The following NKAIN2 variants were observed in gnomAD, a reference collection of about 807,000 sequenced individuals.
NKAIN2 encodes sodium/potassium-transporting ATPase subunit beta-1-interacting protein 2.
Under a neutral mutation model 32.6 loss-of-function variants are expected in NKAIN2, and 14 were observed. That is an observed-to-expected ratio of 0.43 (90% CI 0.28 to 0.67). NKAIN2 has a LOEUF of 0.67. NKAIN2 is among the 30% of genes least tolerant of loss of function. The probability of loss-of-function intolerance (pLI) is 0.17; values close to 1 mark genes in which losing one functional copy is unlikely to be tolerated. For missense variants in NKAIN2, 198 were observed against 258.3 expected (o/e 0.77, Z 1.60); for synonymous variants, 80 against 87.2 (o/e 0.92, Z 0.46).
intron 1 of NKAIN2, among the ~76,000 whole-genome samples, chr6:124,275,041 A>G (rs1052032848): frequency 3.1e-4 from 47 of 152,042 alleles, no homozygotes; most frequent in African/African-American, 1.0e-3. Flanking sequence ...TTTTAGAAGA[A>G]TTTTCTGTTT....
At position 123,998,839 on chromosome 6, in the gene NKAIN2, T is replaced by A. The variant is rs967081260; in HGVS notation, c.54+194585T>A. Among the ~76,000 whole-genome samples the A allele has an allele frequency of 6.0e-5, 9 of 150,390 alleles. No individual in the cohort carries two copies. The Admixed American group carries it at 6.0e-4, about 10-fold the overall frequency. ...TATATATATATATATATGGTGATGGTATCAAAAAGATAAAATGACTGCTCT... is the reference window on the plus strand; with the variant it reads ...TATATATATATATATATGGTGATGGAATCAAAAAGATAAAATGACTGCTCT... On this transcript the variant is annotated intron_variant, in intron 1 of 6. Coordinates refer to ENST00000368417, the MANE Select transcript of NKAIN2 (RefSeq NM_001040214.3).
chr6:124,786,898 C>T (rs1779529092), intron 4 of NKAIN2, among the ~76,000 whole-genome samples: 1 of 152,020 alleles, frequency 6.6e-6, no homozygotes, highest in Non-Finnish European at 1.5e-5. Context: ...ACAACATGAG[C>T]CTCTATTATC....
At chr6:124,330,948 C>T (rs554779890) in intron 2 of NKAIN2, among the ~76,000 whole-genome samples, 18 of 152,104 alleles carry the variant, frequency 1.2e-4, no homozygotes, top group East Asian at 5.8e-4. Flanking sequence ...TGATCTGAGG[C>T]GGAACAGTTT....
At chr6:124,271,026 T>A (rs1436044811) in intron 1 of NKAIN2, among the ~76,000 whole-genome samples, 1 of 152,122 alleles carries the variant, frequency 6.6e-6, no homozygotes, top group Non-Finnish European at 1.5e-5. Flanking sequence ...TGGGAGTGGT[T>A]TCCCCCATGT....
At chr6:124,513,345 A>G (rs1014578347) in intron 3 of NKAIN2, among the ~76,000 whole-genome samples, 2 of 152,190 alleles carry the variant, frequency 1.3e-5, no homozygotes, top group African/African-American at 4.8e-5. Context: ...CCTATGTAAG[A>G]AAGTGCTTCA....
Position 124,287,093 on chromosome 6 carries a change from G to A in NKAIN2, c.192+3951G>A, listed in dbSNP as rs56122306. 2.1e-3 allele frequency among the ~76,000 whole-genome samples: 318 copies of A among 152,212 alleles called. 2 individuals carry two copies. Among genetic ancestry groups the A allele is most frequent in the African/African-American group, 6.9e-3 (286 of 41,550 alleles). On this transcript the variant is annotated intron_variant, in intron 2 of 6. Transcript: ENST00000368417. ...ACATTTACCTTTAAAACATCATAAAGCTTCCTTTTGATACTTAGTATGTCT... is the reference window on the plus strand; with the variant it reads ...ACATTTACCTTTAAAACATCATAAAACTTCCTTTTGATACTTAGTATGTCT...
intron 3 of NKAIN2, among the ~76,000 whole-genome samples, chr6:124,639,534 T>A (rs889462873): frequency 2.0e-5 from 3 of 151,908 alleles, no homozygotes; most frequent in African/African-American, 7.3e-5. Flanking sequence ...CTCAGGAGGC[T>A]GAGACAGGAG....
At chr6:124,098,251 G>A (rs1435738863) in intron 1 of NKAIN2, among the ~76,000 whole-genome samples, 4 of 152,088 alleles carry the variant, frequency 2.6e-5, no homozygotes, top group Admixed American at 2.6e-4. Flanking sequence ...ATTAAGAATT[G>A]CAAAGCATGA....
intron 3 of NKAIN2, among the ~76,000 whole-genome samples, chr6:124,401,845 T>C (rs1408734816): frequency 6.6e-6 from 1 of 152,210 alleles, no homozygotes; most frequent in Non-Finnish European, 1.5e-5. Flanking sequence ...TACTCCCACT[T>C]TGTGGCTTAC....
intron 3 of NKAIN2, among the ~76,000 whole-genome samples, chr6:124,456,933 A>G (rs550658759): frequency 1.2e-4 from 18 of 151,940 alleles, no homozygotes; most frequent in Admixed American, 1.2e-3. Context: ...GTTCTCATTT[A>G]TTGTGGCAGT....
At chr6:124,569,315 A>C (rs1237345504) in intron 3 of NKAIN2, among the ~76,000 whole-genome samples, 1 of 152,074 alleles carries the variant, frequency 6.6e-6, no homozygotes, top group Non-Finnish European at 1.5e-5. Flanking sequence ...CTACCTAAAA[A>C]CCAGAAGAAA....
At chr6:124,130,534 A>G (rs1786420727) in intron 1 of NKAIN2, among the ~76,000 whole-genome samples, 1 of 151,970 alleles carries the variant, frequency 6.6e-6, no homozygotes, top group African/African-American at 2.4e-5. Flanking sequence ...TTGTATTTGC[A>G]TGCATTTGTA....
intron 5 of NKAIN2, among the ~76,000 whole-genome samples, chr6:124,796,267 C>G (rs528224527): frequency 6.6e-6 from 1 of 152,304 alleles, no homozygotes; most frequent in Non-Finnish European, 1.5e-5. Flanking sequence ...TATCCTGAGG[C>G]CTCTGTCTTT....
intron 4 of NKAIN2, among the ~76,000 whole-genome samples, chr6:124,753,159 G>T (rs187076855): frequency 1.9e-4 from 29 of 152,118 alleles, no homozygotes; most frequent in African/African-American, 6.7e-4. Context: ...TATGAAATTG[G>T]AAACTGGCTT....
chr6:124,522,790 G>A (rs1779161846), intron 3 of NKAIN2, among the ~76,000 whole-genome samples: 1 of 152,064 alleles, frequency 6.6e-6, no homozygotes, highest in African/African-American at 2.4e-5. Context: ...AAAACCCTAT[G>A]TTACATTTCA....
intron 1 of NKAIN2, among the ~76,000 whole-genome samples, chr6:123,918,497 T>C (rs1306855296): frequency 1.3e-5 from 2 of 152,212 alleles, no homozygotes; most frequent in East Asian, 3.8e-4. Context: ...GAAATGCCCT[T>C]TTCATCAATT....
At chr6:124,784,091 T>C (rs962529572) in intron 4 of NKAIN2, among the ~76,000 whole-genome samples, 11 of 152,320 alleles carry the variant, frequency 7.2e-5, no homozygotes, top group African/African-American at 2.6e-4. Context: ...GATATATTTA[T>C]AACTCATAAA....
chr6:124,038,475 A>C (rs1195053196), intron 1 of NKAIN2, among the ~76,000 whole-genome samples: 1 of 152,036 alleles, frequency 6.6e-6, no homozygotes, highest in East Asian at 1.9e-4. Flanking sequence ...AGCCTCCCAA[A>C]GTGCTGGGAT....
chr6:124,116,017 T>C (rs556776083), intron 1 of NKAIN2, among the ~76,000 whole-genome samples: 1 of 152,160 alleles, frequency 6.6e-6, no homozygotes, highest in African/African-American at 2.4e-5. Flanking sequence ...TAAAATATTA[T>C]ATTTTATTAT....
Sources: gnomAD v4.1 joint callset for allele counts (sites outside exome capture counted in the v4.1 genomes callset) on GRCh38, gnomAD v4.1.1 for gene constraint, MANE v1.5 for transcripts, NCBI Gene and HGNC (gene_info 2026-07-23, HGNC 2026-07-21) for gene names.